Variants in PTK2B observed in about 807,000 individuals in gnomAD.
PTK2B encodes the protein protein-tyrosine kinase 2-beta.
PTK2B carries 71 observed loss-of-function variants against 142.9 expected under a neutral mutation model. The ratio of observed to expected loss-of-function variants is 0.50; its 90% CI spans 0.41 to 0.61. The LOEUF is 0.61. Among genes scored for constraint, PTK2B ranks in the 20% least tolerant of loss-of-function variants. The pLI is 0.00. For synonymous variants in PTK2B, 519 were observed against 503.4 expected (o/e 1.03, Z -0.42); for missense variants, 1,105 against 1,320.4 (o/e 0.84, Z 2.53).
At position 27,366,860 on chromosome 8, in the gene PTK2B, G is replaced by A. The variant is rs4537258; in HGVS notation, c.-37-30688G>A. 3.9e-5 allele frequency among the ~76,000 whole-genome samples: 6 copies of A among 152,042 alleles called. No individual in the cohort carries two copies. In the South Asian group the frequency reaches 1.2e-3, roughly 32 times the overall value. On this transcript the variant is annotated intron_variant, in intron 1 of 30. Coordinates refer to ENST00000346049, the MANE Select transcript of PTK2B (RefSeq NM_173176.3). ...GGCTGGGGCAGGGGAGGGTGCAGAG[G>A]AGAGGGTGTGGGGGAGGGAGGAGCT...
chr8:27,436,118 A>C, intron 14 of PTK2B, 133 bp from the exon 15 acceptor site: 1 of 870,652 alleles, frequency 1.1e-6, no homozygotes, highest in Admixed American at 2.2e-5. Flanking sequence ...CCATTTCCCC[A>C]GCCCAGTCCC....
At position 27,431,487 on chromosome 8, in the gene PTK2B, G is replaced by A. The variant is rs752146584; in HGVS notation, c.885+15G>A. The stretch of plus-strand genomic sequence containing the variant: ...AGGACGCAAAGGTAGAGAGACCCGG[G>A]GCAGCCCCACCCAGCCCCAGGCGGG... On this transcript the variant is annotated intron_variant, in intron 9 of 30. Coordinates refer to ENST00000346049, the MANE Select transcript of PTK2B (RefSeq NM_173176.3). 6.2e-7 allele frequency: 1 copy of A among 1,613,762 alleles called. No individual in the cohort carries two copies. Among genetic ancestry groups the A allele is most frequent in the Non-Finnish European group, 8.5e-7 (1 of 1,179,994 alleles).
At chr8:27,310,554 G>A (rs1802907030), upstream of PTK2B, among the ~76,000 whole-genome samples, 1 of 152,238 alleles carries the variant, frequency 6.6e-6, no homozygotes, top group African/African-American at 2.4e-5. Context: ...TCGCTGTCTT[G>A]GGAACATCAT....
chr8:27,320,693 T>C (rs1185005650), upstream of PTK2B, among the ~76,000 whole-genome samples: 1 of 152,170 alleles, frequency 6.6e-6, no homozygotes, highest in Admixed American at 6.5e-5. Flanking sequence ...GCTTCATGCC[T>C]TCCCTTAAAG....
intron 2 of PTK2B, among the ~76,000 whole-genome samples, chr8:27,418,652 T>TATCC (rs1233606371): frequency 6.6e-6 from 1 of 152,204 alleles, no homozygotes; most frequent in African/African-American, 2.4e-5. Context: ...TTTAAATTTA[T>TATCC]ATCCCAGAGG....
chr8:27,458,916 C>T lies in PTK2B; in HGVS notation c.*407C>T, dbSNP rs530099724. On this transcript the variant is annotated 3_prime_UTR_variant, in exon 31 of 31. Coordinates refer to ENST00000346049, the MANE Select transcript of PTK2B (RefSeq NM_173176.3). ...CCTTCCTCTTCGGCCCTCAGATGTC[C>T]CTTGATGCACAGAGAAGCTGGGGAG... 6 of 333,820 alleles carry T rather than the reference C, an allele frequency of 1.8e-5. No individual in the cohort carries two copies. Among genetic ancestry groups the T allele is most frequent in the Non-Finnish European group, 2.8e-5 (5 of 178,312 alleles). The allele number at this position is 333,820 out of a possible 1,614,324, so 20.7% of individuals were successfully genotyped here.
intron 1 of PTK2B, among the ~76,000 whole-genome samples, chr8:27,339,113 A>G (rs1288518026): frequency 1.3e-5 from 2 of 152,242 alleles, no homozygotes; most frequent in Non-Finnish European, 2.9e-5. Context: ...ATCTTCCTTT[A>G]AAAATGGGAA....
intron 30 of PTK2B, among the ~76,000 whole-genome samples, chr8:27,457,701 G>A (rs942661572): frequency 6.6e-6 from 1 of 152,196 alleles, no homozygotes; most frequent in Non-Finnish European, 1.5e-5. Context: ...ATGGCTGGGT[G>A]TGGTGGCTCA....
intron 1 of PTK2B, among the ~76,000 whole-genome samples, chr8:27,349,244 C>T (rs890500915): frequency 2.0e-5 from 3 of 152,164 alleles, no homozygotes; most frequent in Admixed American, 1.3e-4. Context: ...ATCCCTTTTT[C>T]TGTTTGTTTT....
Position 27,451,497 on chromosome 8 carries a change from G to A in PTK2B, c.2536G>A (p.Glu846Lys), listed in dbSNP as rs571484711. The A allele has an allele frequency of 6.2e-7, 1 of 1,614,140 alleles. No individual in the cohort carries two copies. The highest frequency in any genetic ancestry group is 1.3e-5 in the African/African-American group (1 of 75,046). Residue 846 changes from glutamate to lysine, a missense_variant, in exon 27 of 31, where the codon GAG (glutamate) becomes AAG (lysine). Transcript: ENST00000346049. ...CTCCTTCCTCCAGACGCCAGAGAAG[G>A]AGGTCGGCTACCGTGAGTGTTCCCG... is the stretch of plus-strand genomic sequence containing the variant. ...NDKSPLTPEKEVGYLEFTGPP... is the reference protein window; with the variant it reads ...NDKSPLTPEKKVGYLEFTGPP...
chr8:27,372,709 C>T (rs900458600), intron 1 of PTK2B, among the ~76,000 whole-genome samples: 2 of 152,054 alleles, frequency 1.3e-5, no homozygotes, highest in Non-Finnish European at 2.9e-5. Context: ...TTGAGATAGC[C>T]TAGAGGAGAG....
At chr8:27,377,018 GC>G (rs1218849683) in intron 1 of PTK2B, among the ~76,000 whole-genome samples, 1 of 152,102 alleles carries the variant, frequency 6.6e-6, no homozygotes, top group African/African-American at 2.4e-5. Context: ...TTTCACTCCT[GC>G]GTTTAGAACC....
chr8:27,420,325 G>C (rs1024621043), intron 3 of PTK2B, among the ~76,000 whole-genome samples: 11 of 152,196 alleles, frequency 7.2e-5, no homozygotes, highest in Non-Finnish European at 1.5e-4. Context: ...ACAGTGCTAG[G>C]GGAAAAGAGA....
chr8:27,313,802 G>A (rs567763215), intron 3 of PTK2B, among the ~76,000 whole-genome samples: 1 of 152,266 alleles, frequency 6.6e-6, no homozygotes, highest in Non-Finnish European at 1.5e-5. Flanking sequence ...CCAATCTCAA[G>A]TGTTTTTATC....
chr8:27,439,259 A>G, intron 19 of PTK2B, 50 bp from the exon 20 acceptor site: 1 of 1,568,074 alleles, frequency 6.4e-7, no homozygotes, highest in Non-Finnish European at 8.8e-7. Context: ...GTATTTCTGG[A>G]TAATTCTGAT....
At chr8:27,458,214 G>T (rs1408383614) in intron 30 of PTK2B, 80 bp from the exon 31 acceptor site, 11 of 1,423,060 alleles carry the variant, frequency 7.7e-6, no homozygotes, top group Admixed American at 1.9e-5. Flanking sequence ...CAGCATGCAG[G>T]TGGACACCTC....
At chr8:27,435,831 G>T in intron 14 of PTK2B, 38 bp downstream of exon 14, 3 of 1,601,978 alleles carry the variant, frequency 1.9e-6, no homozygotes, top group Non-Finnish European at 2.6e-6. Context: ...CGTAGTCAAG[G>T]CCCTGTGAAA....
At chr8:27,373,174 G>A (rs1806465050) in intron 1 of PTK2B, among the ~76,000 whole-genome samples, 1 of 152,020 alleles carries the variant, frequency 6.6e-6, no homozygotes, top group African/African-American at 2.4e-5. Context: ...AAACATCAGG[G>A]TCCTGCCCCT....
chr8:27,425,242 A>G lies in PTK2B; in HGVS notation c.551+2859A>G, dbSNP rs190605525. 4.0e-5 allele frequency among the ~76,000 whole-genome samples: 6 copies of G among 151,704 alleles called. No individual in the cohort carries two copies. In the East Asian group the frequency reaches 1.2e-3, roughly 29 times the overall value. ...ATTGTATAGTATTGCATAGTATACT[A>G]TAGTATACTATTGTATAGTATTATA... On this transcript the variant is annotated intron_variant, in intron 5 of 30. Transcript: ENST00000346049.
Sources: gnomAD v4.1 joint callset for allele counts (sites outside exome capture counted in the v4.1 genomes callset) on GRCh38, gnomAD v4.1.1 for gene constraint, MANE v1.5 for transcripts, NCBI Gene and HGNC (gene_info 2026-07-23, HGNC 2026-07-21) for gene names.